Variants in RAC1 observed in about 807,000 individuals in gnomAD.
The protein encoded by RAC1 is ras-related C3 botulinum toxin substrate 1.
A neutral mutation model predicts 25.2 loss-of-function variants in RAC1; 2 were observed. The ratio of observed to expected loss-of-function variants is 0.08; its 90% CI spans 0.03 to 0.25. RAC1 has a LOEUF of 0.25. Among genes scored for constraint, RAC1 ranks in the 10% least tolerant of loss-of-function variants. RAC1 has a pLI of 1.00. For synonymous variants in RAC1, 88 were observed against 94.0 expected, an observed-to-expected ratio of 0.94 and a Z score of 0.37; for missense variants, 50 against 235.7, an observed-to-expected ratio of 0.21 and a Z score of 5.16.
At chr7:6,395,992 G>T (rs145485198) in intron 3 of RAC1, among the ~76,000 whole-genome samples, 4 of 152,368 alleles carry the variant, frequency 2.6e-5, no homozygotes, top group Non-Finnish European at 4.4e-5. Flanking sequence ...TGGGCAGGAG[G>T]CTGTGGGAAG....
intron 3 of RAC1, among the ~76,000 whole-genome samples, chr7:6,396,464 C>T (rs1354132145): frequency 6.6e-6 from 1 of 152,136 alleles, no homozygotes; most frequent in African/African-American, 2.4e-5. Flanking sequence ...GATGGCATAG[C>T]ACGAACGCCG....
chr7:6,395,454 C>A (rs917675350), intron 3 of RAC1, among the ~76,000 whole-genome samples: 1 of 152,198 alleles, frequency 6.6e-6, no homozygotes, highest in Non-Finnish European at 1.5e-5. Context: ...TGTTACTCTT[C>A]GCCGCGAGGG....
chr7:6,391,681 T>A (rs1783097272), intron 2 of RAC1: 2 of 495,978 alleles, frequency 4.0e-6, no homozygotes, highest in Non-Finnish European at 7.0e-6. Flanking sequence ...GACGGTGATT[T>A]GTTTCACTTA....
At chr7:6,377,401 C>T (rs1430815696) in intron 1 of RAC1, among the ~76,000 whole-genome samples, 2 of 151,974 alleles carry the variant, frequency 1.3e-5, no homozygotes, top group Admixed American at 6.6e-5. Flanking sequence ...CAAGACCAGC[C>T]TGGGCAACAT....
chr7:6,394,789 T>TC (rs1388713248), intron 3 of RAC1, among the ~76,000 whole-genome samples: 3 of 152,122 alleles, frequency 2.0e-5, no homozygotes, highest in Non-Finnish European at 4.4e-5. Flanking sequence ...CAAGTGACTT[T>TC]CCCGCCCTAG....
At chr7:6,375,479 C>G (rs546787477) in intron 1 of RAC1, among the ~76,000 whole-genome samples, 79 of 152,258 alleles carry the variant, frequency 5.2e-4, no homozygotes, top group Admixed American at 1.8e-3. Flanking sequence ...TCCTGCCTCT[C>G]AGCCTCCAAA....
chr7:6,380,293 G>A (rs907038527), intron 1 of RAC1, among the ~76,000 whole-genome samples: 3 of 152,016 alleles, frequency 2.0e-5, no homozygotes, highest in African/African-American at 7.3e-5. Flanking sequence ...TCCAAATGTA[G>A]GTGTAGTATA....
In RAC1 at chr7:6,400,167, A is replaced by C. The variant is rs1783356100; in HGVS notation, c.267A>C (p.Ser89=). Residue 89 remains serine, a synonymous_variant, in exon 4 of 6, where the codon TCA becomes TCC. Transcript: ENST00000348035. ...LICFSLVSPA[S]FENVRAKWYP... is the part of the protein sequence containing the mutation. ...GCTTTTCCCTTGTGAGTCCTGCATC[A>C]TTTGAAAATGTCCGTGCAAAGGTAG... 1 of 1,611,238 alleles carries C rather than the reference A, an allele frequency of 6.2e-7. No homozygotes were observed. Among genetic ancestry groups the C allele is most frequent in the Non-Finnish European group, 8.5e-7 (1 of 1,178,768 alleles).
chr7:6,378,791 A>G (rs1782679775), intron 1 of RAC1, among the ~76,000 whole-genome samples: 1 of 151,648 alleles, frequency 6.6e-6, no homozygotes, highest in Non-Finnish European at 1.5e-5. Flanking sequence ...AGCTTTTCCT[A>G]GGTAAGACAG....
chr7:6,386,898 T>G (rs1351923859), intron 1 of RAC1, among the ~76,000 whole-genome samples: 1 of 152,180 alleles, frequency 6.6e-6, no homozygotes, highest in Non-Finnish European at 1.5e-5. Context: ...CGTGAAGTTT[T>G]AAAATCTTGT....
At chr7:6,391,903 C>A in intron 2 of RAC1, 21 bp from the exon 3 acceptor site, 1 of 1,613,952 alleles carries the variant, frequency 6.2e-7, no homozygotes, top group Non-Finnish European at 8.5e-7. Flanking sequence ...TGTGACTAAC[C>A]ATTTTCATTC....
chr7:6,401,802 TG>T (rs1376378577), intron 4 of RAC1, 65 bp from the exon 5 acceptor site: 19 of 1,525,104 alleles, frequency 1.2e-5, no homozygotes, highest in Non-Finnish European at 1.4e-5. Context: ...GCCGGCTGGG[TG>T]TGATTTAGGT....
chr7:6,377,886 C>T (rs1324112272), intron 1 of RAC1, among the ~76,000 whole-genome samples: 2 of 152,152 alleles, frequency 1.3e-5, no homozygotes, highest in Non-Finnish European at 2.9e-5. Flanking sequence ...GCTTGGGTGA[C>T]AGAGGGAAAC....
At chr7:6,402,281 G>A (rs200222012) in intron 5 of RAC1, 35 bp from the exon 6 acceptor site, 117 of 1,573,290 alleles carry the variant, frequency 7.4e-5, no homozygotes, top group Admixed American at 1.3e-4. Context: ...GAGTGGGGTC[G>A]AGTGTACATT....
chr7:6,389,384 A>ATT (rs200405168), intron 2 of RAC1, among the ~76,000 whole-genome samples: 6 of 144,554 alleles, frequency 4.2e-5, no homozygotes, highest in African/African-American at 1.5e-4. Context: ...AATCTTTTGA[A>ATT]TTTTTTTTTT....
intron 1 of RAC1, among the ~76,000 whole-genome samples, chr7:6,376,678 T>A (rs927461720): frequency 0.013 from 1,901 of 148,802 alleles, 55 homozygotes; most frequent in African/African-American, 0.028. Context: ...ATTTGTTTTT[T>A]TTTTTTTTTT....
chr7:6,375,727 A>T lies in RAC1; in HGVS notation c.35+957A>T, dbSNP rs146741774. 3 of 151,440 alleles carry T rather than the reference A, an allele frequency of 2.0e-5. No homozygotes were observed. In the East Asian group the frequency reaches 5.8e-4, roughly 29 times the overall value. 9.4% of individuals were successfully genotyped at this position (151,440 alleles called of 1,614,324 possible). A position where few individuals can be genotyped will look rare whatever the true frequency, so the allele number is the denominator to read the frequency against. ...TTGACAAAAAAACTGTTCTTTGCTTAACGCGTTAGGTATGGGATGTAGCAG... is the reference window on the plus strand; with the variant it reads ...TTGACAAAAAAACTGTTCTTTGCTTTACGCGTTAGGTATGGGATGTAGCAG... On this transcript the variant is annotated intron_variant, in intron 1 of 5. Transcript: ENST00000348035.
chr7:6,396,023 C>T (rs780753475), intron 3 of RAC1, among the ~76,000 whole-genome samples: 2 of 152,150 alleles, frequency 1.3e-5, no homozygotes, highest in Non-Finnish European at 2.9e-5. Flanking sequence ...GCTACACTTA[C>T]CACCGAGGAG....
At chr7:6,385,307 CG>C (rs1346213460) in intron 1 of RAC1, among the ~76,000 whole-genome samples, 2 of 151,990 alleles carry the variant, frequency 1.3e-5, no homozygotes, top group Admixed American at 1.3e-4. Flanking sequence ...GTGTAGCACA[CG>C]GTTGATATAA....
Sources: gnomAD v4.1 joint callset for allele counts (sites outside exome capture counted in the v4.1 genomes callset) on GRCh38, gnomAD v4.1.1 for gene constraint, MANE v1.5 for transcripts, NCBI Gene and HGNC (gene_info 2026-07-23, HGNC 2026-07-21) for gene names.